The following MAST4 variants were observed in gnomAD, a reference collection of about 807,000 sequenced individuals.
MAST4 encodes the protein microtubule-associated serine/threonine-protein kinase 4.
Under a neutral mutation model 162.7 loss-of-function variants are expected in MAST4, and 89 were observed. The observed-to-expected ratio is 0.55, with a 90% confidence interval of 0.46 to 0.65. MAST4 has a LOEUF of 0.65. MAST4 is among the 30% of genes least tolerant of loss of function. The pLI, the probability that MAST4 is intolerant of heterozygous loss-of-function variation, is 0.00. For missense variants in MAST4, 3,153 were observed against 3,374.0 expected (o/e 0.93, Z 1.62); for synonymous variants, 1,479 against 1,361.1 (o/e 1.09, Z -1.91).
At chr5:66,981,322 T>C (rs1748792143) in intron 4 of MAST4, among the ~76,000 whole-genome samples, 1 of 152,258 alleles carries the variant, frequency 6.6e-6, no homozygotes, top group Non-Finnish European at 1.5e-5. Flanking sequence ...GGAAAGACAT[T>C]GGACTATGCA....
rs1011946989 is a variant in MAST4 at position 66,884,391 on chromosome 5, A to G, written c.643-15560A>G. On this transcript the variant is annotated intron_variant, in intron 3 of 28. Transcript: ENST00000403625. ...AATAAAGCCATTCACAAAGTGCACA[A>G]CACTCTTTGGGGAAATGTTGAGTTA... Among the ~76,000 whole-genome samples the G allele has an allele frequency of 2.6e-5, 4 of 152,282 alleles. No homozygotes were observed. In the East Asian group the frequency reaches 5.8e-4, roughly 22 times the overall value.
chr5:66,956,708 GAT>G (rs1281490826), intron 4 of MAST4, among the ~76,000 whole-genome samples: 5 of 152,114 alleles, frequency 3.3e-5, no homozygotes, highest in Non-Finnish European at 7.3e-5. Context: ...TGTTCCTATT[GAT>G]GCTTGATTAT....
At chr5:67,097,014 T>G (rs1380322999) in intron 7 of MAST4, among the ~76,000 whole-genome samples, 2 of 152,174 alleles carry the variant, frequency 1.3e-5, no homozygotes, top group Non-Finnish European at 2.9e-5. Flanking sequence ...GCCAATATTT[T>G]AGACGTGTCT....
At chr5:66,609,865 C>T (rs1743178508) in intron 1 of MAST4, among the ~76,000 whole-genome samples, 1 of 151,782 alleles carries the variant, frequency 6.6e-6, no homozygotes, top group African/African-American at 2.4e-5. Context: ...GGTGTGAAGC[C>T]AACCAAAAGA....
At chr5:66,992,043 T>G (rs1750118238) in intron 4 of MAST4, among the ~76,000 whole-genome samples, 1 of 152,254 alleles carries the variant, frequency 6.6e-6, no homozygotes, top group African/African-American at 2.4e-5. Flanking sequence ...TGATTTAATA[T>G]ATATTAAAAC....
At chr5:66,877,623 G>A (rs746361191) in intron 3 of MAST4, among the ~76,000 whole-genome samples, 12 of 152,170 alleles carry the variant, frequency 7.9e-5, no homozygotes, top group Non-Finnish European at 1.5e-4. Flanking sequence ...CCTGGCATTC[G>A]CAACTGCTTC....
chr5:66,868,695 G>C (rs1401523324), intron 3 of MAST4, among the ~76,000 whole-genome samples: 1 of 151,934 alleles, frequency 6.6e-6, no homozygotes, highest in Non-Finnish European at 1.5e-5. Context: ...TGGAATTTCT[G>C]TGTAAATACA....
At chr5:66,920,926 T>C (rs1403142399) in intron 4 of MAST4, among the ~76,000 whole-genome samples, 4 of 151,806 alleles carry the variant, frequency 2.6e-5, no homozygotes, top group Non-Finnish European at 5.9e-5. Flanking sequence ...AGCCTGGGGG[T>C]TGGAGTGAGG....
rs186400625 is a variant in MAST4 at position 66,931,919 on chromosome 5, G to A, written c.674+31937G>A. ...TACATGGAAGGAGCCCTGAAACCACGTTATCTTCAGGGAATTATAGTTAGT... is the reference window on the plus strand; with the variant it reads ...TACATGGAAGGAGCCCTGAAACCACATTATCTTCAGGGAATTATAGTTAGT... On this transcript the variant is annotated intron_variant, in intron 4 of 28. Transcript: ENST00000403625. Among the ~76,000 whole-genome samples, 65 of 152,196 alleles carry A rather than the reference G, an allele frequency of 4.3e-4. No homozygotes were observed. In the East Asian group the frequency reaches 7.9e-3, roughly 19 times the overall value.
At chr5:66,656,718 A>G (rs1369207645) in intron 1 of MAST4, among the ~76,000 whole-genome samples, 1 of 152,192 alleles carries the variant, frequency 6.6e-6, no homozygotes, top group Non-Finnish European at 1.5e-5. Flanking sequence ...TTGCAAGCGC[A>G]CCTGCTTTCT....
chr5:66,814,047 G>A (rs1756603192), intron 3 of MAST4, among the ~76,000 whole-genome samples: 1 of 152,122 alleles, frequency 6.6e-6, no homozygotes, highest in Non-Finnish European at 1.5e-5. Flanking sequence ...CCTGATCCGG[G>A]GGACCTGTGT....
intron 23 of MAST4, among the ~76,000 whole-genome samples, chr5:67,146,465 T>C (rs1441520589): frequency 6.6e-6 from 1 of 152,240 alleles, no homozygotes; most frequent in Non-Finnish European, 1.5e-5. Context: ...AAATGAGAGA[T>C]GTATATGGCT....
intron 1 of MAST4, among the ~76,000 whole-genome samples, chr5:66,715,284 T>C (rs1750746467): frequency 1.3e-5 from 2 of 152,162 alleles, no homozygotes; most frequent in African/African-American, 4.8e-5. Flanking sequence ...ATTAGTCCTT[T>C]TGCAAATCAA....
At chr5:66,926,688 A>C (rs1265865621) in intron 4 of MAST4, among the ~76,000 whole-genome samples, 3 of 151,428 alleles carry the variant, frequency 2.0e-5, no homozygotes, top group Admixed American at 6.6e-5. Context: ...ATATATTTCC[A>C]TTATTGTTCC....
At chr5:67,003,555 T>G (rs1751531926) in intron 4 of MAST4, among the ~76,000 whole-genome samples, 1 of 152,212 alleles carries the variant, frequency 6.6e-6, no homozygotes, top group Non-Finnish European at 1.5e-5. Context: ...CATTTTTAGA[T>G]GTATTTTTTG....
At chr5:66,836,346 G>A (rs1757968565) in intron 3 of MAST4, among the ~76,000 whole-genome samples, 1 of 152,120 alleles carries the variant, frequency 6.6e-6, no homozygotes. Flanking sequence ...ACTGTGGGTG[G>A]GAACATAAAT....
intron 1 of MAST4, among the ~76,000 whole-genome samples, chr5:66,754,609 A>G (rs990595987): frequency 2.0e-5 from 3 of 152,254 alleles, no homozygotes; most frequent in South Asian, 2.1e-4. Flanking sequence ...CTTTCCACCA[A>G]TATTTACAGG....
chr5:66,666,135 A>G (rs928111147), intron 1 of MAST4, among the ~76,000 whole-genome samples: 1 of 152,316 alleles, frequency 6.6e-6, no homozygotes, highest in African/African-American at 2.4e-5. Context: ...GTTATTCAGT[A>G]TATTCCTGCC....
intron 4 of MAST4, among the ~76,000 whole-genome samples, chr5:66,940,237 T>C (rs1029614862): frequency 2.6e-5 from 4 of 152,206 alleles, no homozygotes; most frequent in South Asian, 4.1e-4. Flanking sequence ...TTGATGGCTG[T>C]TGATTCATCA....
Sources: allele counts gnomAD v4.1 joint callset (sites outside exome capture counted in the v4.1 genomes callset), GRCh38; gene constraint gnomAD v4.1.1; transcripts MANE v1.5; gene names NCBI Gene and HGNC (gene_info 2026-07-23, HGNC 2026-07-21).